The following DCUN1D4 variants were observed in gnomAD, a reference collection of about 807,000 sequenced individuals.
DCUN1D4 encodes DCN1-like protein 4.
Under a neutral mutation model 47.9 loss-of-function variants are expected in DCUN1D4, and 22 were observed. The ratio of observed to expected loss-of-function variants is 0.46; its 90% CI spans 0.33 to 0.66. The LOEUF is 0.66. Ranked by LOEUF, DCUN1D4 falls within the 30% of genes least tolerant of loss-of-function variation. The probability of loss-of-function intolerance (pLI) is 0.02; values close to 1 mark genes in which losing one functional copy is unlikely to be tolerated. For missense variants in DCUN1D4, 301 were observed against 340.8 expected, an observed-to-expected ratio of 0.88 and a Z score of 0.92; for synonymous variants, 121 against 112.2, an observed-to-expected ratio of 1.08 and a Z score of -0.50.
At chr4:51,891,734 T>C (rs1730456536) in intron 6 of DCUN1D4, 26 bp from the exon 7 acceptor site, 1 of 1,548,032 alleles carries the variant, frequency 6.5e-7, no homozygotes, top group Admixed American at 1.8e-5. Flanking sequence ...TATATTTTTT[T>C]TTAATTGTGT....
chr4:51,897,291 A>C (rs1245686877), intron 7 of DCUN1D4, among the ~76,000 whole-genome samples: 3 of 152,192 alleles, frequency 2.0e-5, no homozygotes, highest in African/African-American at 7.2e-5. Context: ...TTATCATATC[A>C]ACAAAGAGAT....
At chr4:51,843,033 C>A, upstream of DCUN1D4, 1 of 1,361,430 alleles carries the variant, frequency 7.3e-7, no homozygotes, top group South Asian at 1.7e-5. Flanking sequence ...CAGCTCCAGA[C>A]CGGCGCTATG....
chr4:51,840,470 G>C (rs886596774), upstream of DCUN1D4, among the ~76,000 whole-genome samples: 3 of 152,212 alleles, frequency 2.0e-5, no homozygotes, highest in Admixed American at 2.0e-4. Context: ...TGAGAAACCT[G>C]AATTTAAGCC....
intron 3 of DCUN1D4, among the ~76,000 whole-genome samples, chr4:51,869,994 T>A (rs940047938): frequency 6.6e-6 from 1 of 152,218 alleles, no homozygotes; most frequent in African/African-American, 2.4e-5. Context: ...AAGTGTCATG[T>A]AAACACCAAA....
chr4:51,848,561 A>G (rs574289413), intron 1 of DCUN1D4, among the ~76,000 whole-genome samples: 18 of 152,234 alleles, frequency 1.2e-4, no homozygotes, highest in African/African-American at 3.9e-4. Context: ...TAGTTGGTCA[A>G]CTCGAATTGG....
chr4:51,905,161 T>C, intron 8 of DCUN1D4: 1 of 451,894 alleles, frequency 2.2e-6, no homozygotes, highest in Non-Finnish European at 4.5e-6. Flanking sequence ...TTTCTCCTAA[T>C]TTGTCTTTGA....
chr4:51,853,391 TAAC>T (rs1723654062), intron 1 of DCUN1D4, among the ~76,000 whole-genome samples: 1 of 152,246 alleles, frequency 6.6e-6, no homozygotes, highest in South Asian at 2.1e-4. Flanking sequence ...TGAAGTTAGT[TAAC>T]ACCTTCCTCA....
Position 51,874,348 on chromosome 4 carries a change from G to C in DCUN1D4, c.214G>C (p.Gly72Arg), listed in dbSNP as rs937339293. Residue 72 changes from glycine (G) to arginine (R), a missense_variant, in exon 4 of 11, where the codon GGA becomes CGA. By Grantham distance (125) the Gly-to-Arg change is moderately radical (BLOSUM62 -2). Coordinates refer to ENST00000334635, the MANE Select transcript of DCUN1D4 (RefSeq NM_001040402.3). ...AAGGAAAAAGAGAAGACCTGCCTCT[G>C]GAGATGATTTATCTGCCAAGAAAAG... is the stretch of plus-strand genomic sequence containing the variant. ...PPRKKRRPAS[G>R]DDLSAKKSRH... is the part of the protein sequence containing the mutation. The C allele has an allele frequency of 2.5e-6, 4 of 1,613,654 alleles. No individual in the cohort carries two copies. The highest frequency in any genetic ancestry group is 3.4e-6 in the Non-Finnish European group (4 of 1,179,872).
chr4:51,855,764 G>A (rs913303736), intron 1 of DCUN1D4, among the ~76,000 whole-genome samples: 1 of 152,152 alleles, frequency 6.6e-6, no homozygotes, highest in African/African-American at 2.4e-5. Flanking sequence ...TCAAGTAAAA[G>A]GTTGTAATGC....
At chr4:51,900,348 A>G (rs960393722) in intron 8 of DCUN1D4, among the ~76,000 whole-genome samples, 2 of 152,048 alleles carry the variant, frequency 1.3e-5, no homozygotes, top group African/African-American at 4.8e-5. Context: ...GTTAAATCAC[A>G]CCATGCATAG....
At chr4:51,839,422 T>C (rs777805166), upstream of DCUN1D4, among the ~76,000 whole-genome samples, 1 of 152,180 alleles carries the variant, frequency 6.6e-6, no homozygotes, top group Admixed American at 6.5e-5. Context: ...CTCCACTGTG[T>C]TGTTGTGAAG....
At chr4:51,890,180 C>G (rs1282172646) in intron 6 of DCUN1D4, among the ~76,000 whole-genome samples, 1 of 152,006 alleles carries the variant, frequency 6.6e-6, no homozygotes, top group Non-Finnish European at 1.5e-5. Flanking sequence ...TTCTGAATCT[C>G]CTAACTACTC....
intron 5 of DCUN1D4, among the ~76,000 whole-genome samples, chr4:51,878,742 G>C (rs899388026): frequency 6.6e-6 from 1 of 152,162 alleles, no homozygotes; most frequent in Non-Finnish European, 1.5e-5. Flanking sequence ...CATCTGACAT[G>C]CTCTTACATC....
In DCUN1D4 at chr4:51,877,670, G is replaced by A. The variant is rs771838594; in HGVS notation, c.252-93G>A. 6.6e-6 allele frequency: 5 copies of A among 753,928 alleles called. No homozygotes were observed. In the Admixed American group the frequency reaches 7.2e-5, roughly 11 times the overall value. 46.7% of individuals were successfully genotyped at this position (753,928 alleles called of 1,614,324 possible). ...ATATACTTAAAATACTGATTGAATA[G>A]ATGTCTGGTTTGGGTAAAAGAATAT... On this transcript the variant is annotated intron_variant, in intron 4 of 10. Coordinates refer to ENST00000334635, the MANE Select transcript of DCUN1D4 (RefSeq NM_001040402.3).
chr4:51,882,914 A>G (rs1728902439), intron 5 of DCUN1D4, among the ~76,000 whole-genome samples: 2 of 152,224 alleles, frequency 1.3e-5, no homozygotes. Flanking sequence ...TCAATAAGCC[A>G]TATCAGTAGA....
upstream of DCUN1D4, chr4:51,843,096 T>C (rs1577794198): frequency 7.0e-7 from 1 of 1,431,994 alleles, no homozygotes; most frequent in South Asian, 1.4e-5. Context: ...TGAGCCGCGG[T>C]TTAGCCAATG....
chr4:51,865,708 C>T (rs1577900978), intron 3 of DCUN1D4, among the ~76,000 whole-genome samples: 1 of 152,110 alleles, frequency 6.6e-6, no homozygotes, highest in African/African-American at 2.4e-5. Flanking sequence ...ATTTTGGGGG[C>T]TGTTGAGATT....
rs1721863345 is a variant in DCUN1D4, at chr4:51,843,184, G to A, written c.-59G>A. ...GAGCCGAGGTGCAGTGAGCTGGTGG[G>A]GGGACCGCGAGGCGAGCGCGGGAGC... On this transcript the variant is annotated 5_prime_UTR_variant, in exon 1 of 11. Coordinates refer to ENST00000334635, the MANE Select transcript of DCUN1D4 (RefSeq NM_001040402.3). 6.5e-7 allele frequency: 1 copy of A among 1,535,804 alleles called. No individual in the cohort carries two copies. Among genetic ancestry groups the A allele is most frequent in the Non-Finnish European group, 8.8e-7 (1 of 1,141,904 alleles).
rs759000340 is a variant in DCUN1D4, at chr4:51,886,602, G to T, written c.378G>T (p.Glu126Asp). 3 of 1,614,042 alleles carry T rather than the reference G, an allele frequency of 1.9e-6. No individual in the cohort carries two copies. Among genetic ancestry groups the T allele is most frequent in the African/African-American group, 1.3e-5 (1 of 75,060 alleles). ...TDDVVGPEGM[E>D]KFCEDIGVEP... Reference sequence around the variant, plus strand: ...ATGTTGTAGGCCCTGAAGGCATGGAGAAATTTTGTGAAGACATTGGTGTTG... The same window carrying T: ...ATGTTGTAGGCCCTGAAGGCATGGATAAATTTTGTGAAGACATTGGTGTTG... Residue 126 changes from glutamate (E) to aspartate (D), a missense_variant, in exon 6 of 11, where the codon GAG becomes GAT. Around this residue, in one of 2 missense-constraint regions of DCUN1D4, gnomAD observed 170 missense variants for 234.5 expected, o/e 0.73. Transcript: ENST00000334635.
Sources: gnomAD v4.1 joint callset for allele counts (sites outside exome capture counted in the v4.1 genomes callset) on GRCh38, gnomAD v4.1.1 for gene constraint, gnomAD v4.1.1 regional missense constraint, MANE v1.5 for transcripts, NCBI Gene and HGNC (gene_info 2026-07-23, HGNC 2026-07-21) for gene names.